The following GALNT17 variants were observed in gnomAD, a reference collection of about 807,000 sequenced individuals.
GALNT17 encodes the protein UDP-GalNAc:polypeptide N-acetylgalactosaminyltransferase-like 3.
GALNT17 carries 29 observed loss-of-function variants against 63.7 expected under a neutral mutation model. That is an observed-to-expected ratio of 0.46 (90% CI 0.34 to 0.62). The LOEUF (loss-of-function observed/expected upper bound fraction) is 0.62, where lower values mean the gene tolerates loss of function less well. Ranked by LOEUF, GALNT17 falls within the 20% of genes least tolerant of loss-of-function variation. GALNT17 has a pLI of 0.01. For synonymous variants in GALNT17, 305 were observed against 318.3 expected (o/e 0.96, Z 0.45); for missense variants, 603 against 799.6 (o/e 0.75, Z 2.97).
intron 1 of GALNT17, among the ~76,000 whole-genome samples, chr7:71,191,638 C>G (rs912195879): frequency 1.3e-5 from 2 of 152,178 alleles, no homozygotes; most frequent in African/African-American, 4.8e-5. Flanking sequence ...GCGTCGTCTT[C>G]TATGTGTGGA....
chr7:71,675,569 G>T (rs1791137395), intron 8 of GALNT17, among the ~76,000 whole-genome samples: 1 of 152,020 alleles, frequency 6.6e-6, no homozygotes, highest in African/African-American at 2.4e-5. Context: ...GCTGCAGTGA[G>T]CTATGATTGC....
At chr7:71,614,341 A>G (rs1053702409) in intron 6 of GALNT17, among the ~76,000 whole-genome samples, 5 of 151,588 alleles carry the variant, frequency 3.3e-5, no homozygotes, top group Admixed American at 1.3e-4. Flanking sequence ...CAGATTTCCA[A>G]ATTATGGATG....
intron 9 of GALNT17, among the ~76,000 whole-genome samples, chr7:71,680,931 G>C (rs1018295113): frequency 1.4e-5 from 2 of 146,792 alleles, no homozygotes; most frequent in African/African-American, 5.1e-5. Context: ...ATAGGGTCTT[G>C]CTGTGTTACC....
intron 5 of GALNT17, among the ~76,000 whole-genome samples, chr7:71,523,306 G>A (rs1437326055): frequency 2.6e-5 from 4 of 152,274 alleles, no homozygotes; most frequent in African/African-American, 7.2e-5. Context: ...GCGCACGCCT[G>A]TGGCCCCAGC....
At chr7:71,293,190 A>G (rs1162252248) in intron 1 of GALNT17, among the ~76,000 whole-genome samples, 1 of 152,032 alleles carries the variant, frequency 6.6e-6, no homozygotes, top group Non-Finnish European at 1.5e-5. Context: ...TTCTCAACAT[A>G]CTGATTTCAG....
At chr7:71,575,490 G>A (rs374782050) in intron 6 of GALNT17, among the ~76,000 whole-genome samples, 2 of 151,542 alleles carry the variant, frequency 1.3e-5, no homozygotes, top group African/African-American at 4.9e-5. Flanking sequence ...TCGAGTTCAC[G>A]CCATTCTCCT....
intron 5 of GALNT17, among the ~76,000 whole-genome samples, chr7:71,560,918 A>T (rs747676183): frequency 6.6e-6 from 1 of 152,366 alleles, no homozygotes; most frequent in South Asian, 2.1e-4. Context: ...GAAGGGCAAC[A>T]TCTGCATTGG....
chr7:71,616,946 A>AAGAATAT (rs1790219228), intron 6 of GALNT17, among the ~76,000 whole-genome samples: 2 of 5,270 alleles, frequency 3.8e-4, no homozygotes, highest in Non-Finnish European at 1.6e-3. Flanking sequence ...TCATATGGTT[A>AAGAATAT]ATAATTAACT....
chr7:71,242,766 C>T (rs980411708), intron 1 of GALNT17, among the ~76,000 whole-genome samples: 1 of 152,180 alleles, frequency 6.6e-6, no homozygotes, highest in Non-Finnish European at 1.5e-5. Context: ...GCCATCTTCC[C>T]TGGTAAAGCT....
intron 1 of GALNT17, among the ~76,000 whole-genome samples, chr7:71,221,853 G>A (rs1789590428): frequency 6.6e-6 from 1 of 151,256 alleles, no homozygotes; most frequent in African/African-American, 2.4e-5. Context: ...GATGGTCAAA[G>A]CTCATAAATT....
chr7:71,483,907 A>G (rs1187422747), intron 5 of GALNT17, among the ~76,000 whole-genome samples: 1 of 152,110 alleles, frequency 6.6e-6, no homozygotes, highest in Non-Finnish European at 1.5e-5. Flanking sequence ...CGAAGACACG[A>G]ACACACACAT....
intron 2 of GALNT17, among the ~76,000 whole-genome samples, chr7:71,356,539 G>C (rs555517798): frequency 1.3e-5 from 2 of 152,184 alleles, no homozygotes; most frequent in East Asian, 3.9e-4. Flanking sequence ...CATGGTGAGA[G>C]TGGAAGGGAG....
intron 1 of GALNT17, among the ~76,000 whole-genome samples, chr7:71,148,503 A>G (rs1788065708): frequency 6.6e-6 from 1 of 152,198 alleles, no homozygotes; most frequent in South Asian, 2.1e-4. Context: ...GTACAGTGGT[A>G]GCAAAAGAGA....
At chr7:71,148,098 C>T (rs1289115590) in intron 1 of GALNT17, among the ~76,000 whole-genome samples, 1 of 152,148 alleles carries the variant, frequency 6.6e-6, no homozygotes, top group East Asian at 1.9e-4. Context: ...ATGGCCAGCC[C>T]AGTAGTTTCC....
intron 1 of GALNT17, among the ~76,000 whole-genome samples, chr7:71,168,512 C>G (rs1010118431): frequency 6.6e-6 from 1 of 151,906 alleles, no homozygotes; most frequent in Non-Finnish European, 1.5e-5. Context: ...GCGGATGTTG[C>G]AGTGAACCGA....
intron 1 of GALNT17, among the ~76,000 whole-genome samples, chr7:71,212,835 A>G (rs1283249036): frequency 2.0e-5 from 3 of 152,122 alleles, no homozygotes; most frequent in Non-Finnish European, 2.9e-5. Flanking sequence ...GAACAGCTCT[A>G]TTTACCCAAT....
chr7:71,481,395 A>C (rs1787814780), intron 5 of GALNT17, among the ~76,000 whole-genome samples: 1 of 152,128 alleles, frequency 6.6e-6, no homozygotes, highest in South Asian at 2.1e-4. Context: ...AGCTGCAGTG[A>C]GCGGAGATCG....
chr7:71,640,102 A>G (rs1427187380), intron 6 of GALNT17, among the ~76,000 whole-genome samples: 1 of 152,214 alleles, frequency 6.6e-6, no homozygotes, highest in Non-Finnish European at 1.5e-5. Context: ...GATTTGCATG[A>G]GTGTGATTTC....
chr7:71,367,787 T>C (rs1792542466), intron 2 of GALNT17, among the ~76,000 whole-genome samples: 1 of 152,234 alleles, frequency 6.6e-6, no homozygotes. Flanking sequence ...AAACACCGTT[T>C]TCTGCCAACG....
Sources: gnomAD v4.1 joint callset for allele counts (sites outside exome capture counted in the v4.1 genomes callset) on GRCh38, gnomAD v4.1.1 for gene constraint, MANE v1.5 for transcripts, NCBI Gene and HGNC (gene_info 2026-07-23, HGNC 2026-07-21) for gene names.